The following ITGB7 variants were observed in gnomAD, a reference collection of about 807,000 sequenced individuals.
ITGB7 encodes integrin beta-7.
In ITGB7, 55 loss-of-function variants were observed where a neutral mutation model predicts 83.4. The observed-to-expected ratio is 0.66, with a 90% CI of 0.53 to 0.83. The LOEUF is 0.83. Among genes scored for constraint, ITGB7 ranks in the 40% least tolerant of loss-of-function variants. The pLI is 0.00. For synonymous variants in ITGB7, 454 were observed against 423.6 expected, an observed-to-expected ratio of 1.07 and a Z score of -0.88; for missense variants, 921 against 1,046.7, an observed-to-expected ratio of 0.88 and a Z score of 1.66.
intron 9 of ITGB7, 114 bp downstream of exon 9, chr12:53,195,260 A>T (rs1942118017): frequency 4.1e-6 from 3 of 735,764 alleles, no homozygotes; most frequent in Non-Finnish European, 5.0e-6. Context: ...GAGCTGTGGA[A>T]TGTTAGACCA....
chr12:53,192,507 C>T lies in ITGB7; in HGVS notation c.1978G>A (p.Gly660Ser). Residue 660 changes from glycine to serine, a missense_variant, in exon 14 of 16, where the codon GGC becomes AGC. Transcript: ENST00000267082. ...GTACTGCAGTTGGTGGCCAGTGGGCCAGTCCTGAAGGCCCCACACTCTGCA... is the reference window on the plus strand; with the variant it reads ...GTACTGCAGTTGGTGGCCAGTGGGCTAGTCCTGAAGGCCCCACACTCTGCA... Reference protein sequence around the residue: ...DCAECGAFRTGPLATNCSTAC... With the variant: ...DCAECGAFRTSPLATNCSTAC... The T allele has an allele frequency of 6.2e-7, 1 of 1,614,148 alleles. No homozygotes were observed. The highest frequency in any genetic ancestry group is 8.5e-7 in the Non-Finnish European group (1 of 1,180,004).
chr12:53,197,931 C>G lies in ITGB7; in HGVS notation c.222G>C (p.Glu74Asp). ...CKQLNFTASG[E>D]AEARRCARRE... ...GTCGGGCGCAGCGCCGCGCCTCCGCCTCTCCCGACGCGGTGAAGTTCTGCT... is the reference window on the plus strand; with the variant it reads ...GTCGGGCGCAGCGCCGCGCCTCCGCGTCTCCCGACGCGGTGAAGTTCTGCT... Residue 74 changes from glutamate to aspartate, a missense_variant, in exon 4 of 16, where the codon GAG (glutamate) becomes GAC (aspartate). Coordinates refer to ENST00000267082, the MANE Select transcript of ITGB7 (RefSeq NM_000889.3). 6.5e-7 allele frequency: 1 copy of G among 1,542,642 alleles called. No homozygotes were observed. The highest frequency in any genetic ancestry group is 1.4e-5 in the African/African-American group (1 of 73,086).
chr12:53,195,528 C>G (rs1417030794), intron 8 of ITGB7, 65 bp from the exon 9 acceptor site: 26 of 1,535,080 alleles, frequency 1.7e-5, no homozygotes, highest in Non-Finnish European at 2.0e-5. Flanking sequence ...TCCCGGAGGT[C>G]TGGAAGGAGG....
chr12:53,191,437 C>A lies in ITGB7; in HGVS notation c.*119G>T. ...CTCTGAAAATGAAGTAGGGTGGTGG[C>A]CGCACCTCGCCAGTGAATTAGTCCC... On this transcript the variant is annotated 3_prime_UTR_variant, in exon 16 of 16. Coordinates refer to ENST00000267082, the MANE Select transcript of ITGB7 (RefSeq NM_000889.3). The A allele has an allele frequency of 1.2e-6, 1 of 802,898 alleles. No individual in the cohort carries two copies. Among genetic ancestry groups the A allele is most frequent in the East Asian group, 2.5e-5 (1 of 40,350 alleles). 49.7% of individuals were successfully genotyped at this position (802,898 alleles called of 1,614,324 possible).
intron 9 of ITGB7, chr12:53,194,933 T>C (rs562063322): frequency 4.2e-5 from 8 of 189,788 alleles, no homozygotes; most frequent in African/African-American, 9.3e-5. Context: ...ATGTACAGAC[T>C]GACTGGGGAC....
chr12:53,192,097 C>A, intron 14 of ITGB7, 78 bp from the exon 15 acceptor site: 1 of 1,485,818 alleles, frequency 6.7e-7, no homozygotes. Flanking sequence ...GTGTGTCCAG[C>A]CTGTCCAACC....
intron 6 of ITGB7, 58 bp downstream of exon 6, chr12:53,196,521 G>T: frequency 6.4e-7 from 1 of 1,561,254 alleles, no homozygotes; most frequent in South Asian, 1.2e-5. Flanking sequence ...ACAACCATAA[G>T]GGGCAGTCCT....
rs998526356 is a variant in ITGB7, at chr12:53,195,403, C to T, written c.1132G>A (p.Val378Met). The T allele has an allele frequency of 9.9e-6, 16 of 1,613,472 alleles. No individual in the cohort carries two copies. The highest frequency in any genetic ancestry group is 1.7e-4 in the Middle Eastern group (1 of 6,038). The stretch of plus-strand genomic sequence containing the variant: ...TAAGCATCCATGATGAGCTGTACCA[C>T]GTTGCTGGAGTCCTCACTCAGCTCC... ...VGELSEDSSN[V>M]VQLIMDAYNS... The change falls in exon 9 of 16, where the codon GTG (valine) becomes ATG (methionine). Residue 378 changes from valine to methionine, a missense_variant. Physicochemically the swap from Val to Met is conservative, Grantham distance 21. Coordinates refer to ENST00000267082, the MANE Select transcript of ITGB7 (RefSeq NM_000889.3).
intron 1 of ITGB7, among the ~76,000 whole-genome samples, chr12:53,201,558 T>G (rs1942321772): frequency 6.6e-6 from 1 of 152,148 alleles, no homozygotes; most frequent in Non-Finnish European, 1.5e-5. Context: ...ATTCCTGATT[T>G]TAAAAAAACA....
At chr12:53,191,777 G>A in intron 15 of ITGB7, 82 bp downstream of exon 15, 1 of 1,585,236 alleles carries the variant, frequency 6.3e-7, no homozygotes, top group Non-Finnish European at 8.7e-7. Context: ...CCAGGGGCTG[G>A]GGGAACCCAG....
At position 53,193,893 on chromosome 12, in the gene ITGB7, G is replaced by T; in HGVS notation, c.1317C>A (p.Phe439Leu). The change falls in exon 11 of 16, where the codon TTC becomes TTA. Residue 439 changes from phenylalanine to leucine, a missense_variant. By Grantham distance (22) the Phe-to-Leu change is conservative. Coordinates refer to ENST00000267082, the MANE Select transcript of ITGB7 (RefSeq NM_000889.3). ...NHVRINQTVTFWVSLQATHCL... is the reference protein window; with the variant it reads ...NHVRINQTVTLWVSLQATHCL... ...AGTGGGTGGCTTGGAGAGAAACCCA[G>T]AAAGTCACCTGAGAAGAGGCAGGAA... The T allele has an allele frequency of 6.2e-7, 1 of 1,612,606 alleles. No homozygotes were observed. Among genetic ancestry groups the T allele is most frequent in the Non-Finnish European group, 8.5e-7 (1 of 1,179,230 alleles).
Position 53,191,842 on chromosome 12 carries a change from C to G in ITGB7, c.2316+17G>C. 2.5e-6 allele frequency: 4 copies of G among 1,613,284 alleles called. No individual in the cohort carries two copies. The South Asian group carries it at 4.4e-5, about 18-fold the overall frequency. On this transcript the variant is annotated intron_variant, in intron 15 of 15. Transcript: ENST00000267082. ...GGGGAACAGCTAAAAAGGGGCCTAA[C>G]CAGGAAGTCTCCTCACCTGCTTCCA...
At chr12:53,193,619 T>G in intron 11 of ITGB7, 89 bp downstream of exon 11, 5 of 1,161,274 alleles carry the variant, frequency 4.3e-6, no homozygotes, top group South Asian at 1.6e-5. Context: ...GAGACTCCTG[T>G]GGGGGGGATG....
Position 53,197,076 on chromosome 12 carries a change from A to G in ITGB7, c.575-256T>C, listed in dbSNP as rs1455115917. 38 of 566,700 alleles carry G rather than the reference A, an allele frequency of 6.7e-5. No homozygotes were observed. The South Asian group carries it at 8.1e-4, about 12-fold the overall frequency. The allele number at this position is 566,700 out of a possible 1,614,324, so 35.1% of individuals were successfully genotyped here. On this transcript the variant is annotated intron_variant, in intron 5 of 15. Coordinates refer to ENST00000267082, the MANE Select transcript of ITGB7 (RefSeq NM_000889.3). Reference sequence around the variant, plus strand: ...CCAGAAGGCGGAAGAAGGCCCGGGTATAGGATATGGTAGCAGCATGAGGCA... The same window carrying G: ...CCAGAAGGCGGAAGAAGGCCCGGGTGTAGGATATGGTAGCAGCATGAGGCA...
chr12:53,196,892 T>A (rs1942180386), intron 5 of ITGB7, 72 bp from the exon 6 acceptor site: 2 of 1,517,124 alleles, frequency 1.3e-6, no homozygotes, highest in Non-Finnish European at 8.9e-7. Flanking sequence ...GAGAGCGCTC[T>A]ATGGGAAGTG....
rs1942007676 is a variant in ITGB7 at position 53,192,812 on chromosome 12, C to T, written c.1825G>A (p.Glu609Lys). Residue 609 changes from glutamate (E) to lysine (K), a missense_variant, in exon 13 of 16, where the codon GAG becomes AAG. Transcript: ENST00000267082. ...CCATGCCCACTGCAGAGCCCTCCCT[C>T]GGGACTGATGCAACTGTCCATGTCC... The part of the protein sequence containing the change: ...SGDMDSCISP[E>K]GGLCSGHGRC... The T allele has an allele frequency of 1.9e-6, 3 of 1,614,218 alleles. No individual in the cohort carries two copies. The highest frequency in any genetic ancestry group is 2.5e-6 in the Non-Finnish European group (3 of 1,180,030).
chr12:53,199,041 T>A (rs2120488604), intron 3 of ITGB7, among the ~76,000 whole-genome samples: 1 of 152,304 alleles, frequency 6.6e-6, no homozygotes, highest in East Asian at 1.9e-4. Context: ...TCTACCCTTC[T>A]TGTCCAGTCA....
At chr12:53,203,670 AAG>A (rs1271734807) in intron 1 of ITGB7, among the ~76,000 whole-genome samples, 9 of 137,124 alleles carry the variant, frequency 6.6e-5, no homozygotes, top group Admixed American at 2.1e-4. Context: ...AAAAAAAAAA[AAG>A]AAAGAAAGAA....
chr12:53,192,388 GA>G lies in ITGB7; in HGVS notation c.2096del (p.Phe699SerfsTer16). The part of the protein sequence containing the change: ...KERTLDNQLF[F>X]FLVEDDARGT... ...CTCTGGCGTCATCCTCCACCAAGAA[GA>G]AGAACAGCTGGTTGTCCAGGGTCCG... On this transcript the variant is annotated frameshift_variant, in exon 14 of 16. Coordinates refer to ENST00000267082, the MANE Select transcript of ITGB7 (RefSeq NM_000889.3). LOFTEE classifies it high-confidence loss of function. 6.2e-7 allele frequency: 1 copy of G among 1,614,144 alleles called. No individual in the cohort carries two copies. Among genetic ancestry groups the G allele is most frequent in the Non-Finnish European group, 8.5e-7 (1 of 1,180,026 alleles).
Sources: gnomAD v4.1 joint callset for allele counts (sites outside exome capture counted in the v4.1 genomes callset) on GRCh38, gnomAD v4.1.1 for gene constraint, MANE v1.5 for transcripts, NCBI Gene and HGNC (gene_info 2026-07-23, HGNC 2026-07-21) for gene names.